DGKB: variants seen among roughly 807,000 people sequenced by gnomAD.
The protein encoded by DGKB is diacylglycerol kinase beta.
A neutral mutation model predicts 114.3 loss-of-function variants in DGKB; 67 were observed. The ratio of observed to expected loss-of-function variants is 0.59; its 90% CI spans 0.48 to 0.72. The LOEUF (loss-of-function observed/expected upper bound fraction) is 0.72. Ranked by LOEUF, DGKB falls within the 30% of genes least tolerant of loss-of-function variation. DGKB has a pLI of 0.00. For synonymous variants in DGKB, 398 were observed against 323.1 expected, an observed-to-expected ratio of 1.23 and a Z score of -2.49; for missense variants, 907 against 975.2, an observed-to-expected ratio of 0.93 and a Z score of 0.93.
At chr7:14,538,309 T>C (rs1277721265) in intron 20 of DGKB, among the ~76,000 whole-genome samples, 1 of 151,900 alleles carries the variant, frequency 6.6e-6, no homozygotes, top group Non-Finnish European at 1.5e-5. Flanking sequence ...ATAACCCAGT[T>C]ACAAAATGGG....
chr7:14,147,377 T>G lies in DGKB; in HGVS notation c.*1754A>C, dbSNP rs1020425061. 1 of 152,184 alleles carries G rather than the reference T, an allele frequency of 6.6e-6. No homozygotes were observed. Among genetic ancestry groups the G allele is most frequent in the South Asian group, 2.1e-4 (1 of 4,832 alleles). The allele number at this position is 152,184 out of a possible 1,614,324, so 9.4% of individuals were successfully genotyped here. A position where few individuals can be genotyped will look rare whatever the true frequency, so the allele number is the denominator to read the frequency against. On this transcript the variant is annotated 3_prime_UTR_variant, in exon 26 of 26. Transcript: ENST00000402815. ...GCTTATTGTTGATTGATATTTACCG[T>G]CCAATGTTCCAGGAACACTAAAAGA...
At chr7:14,310,790 A>T (rs182083297) in intron 23 of DGKB, among the ~76,000 whole-genome samples, 286 of 152,308 alleles carry the variant, frequency 1.9e-3, no homozygotes, top group Non-Finnish European at 3.5e-3. Context: ...ACTATGTACT[A>T]GGTAAGAGGA....
In DGKB at chr7:14,699,725, G is replaced by C. The variant is rs1254319826; in HGVS notation, c.517-1556C>G. ...ACAGCGAAGGAAAAATATTGGAGTA[G>C]TAGCTATTGTGGAGAAAACCCTAGA... On this transcript the variant is annotated intron_variant, in intron 7 of 25. Coordinates refer to ENST00000402815, the MANE Select transcript of DGKB (RefSeq NM_001350709.2). Among the ~76,000 whole-genome samples, 3 of 152,114 alleles carry C rather than the reference G, an allele frequency of 2.0e-5. No individual in the cohort carries two copies. In the East Asian group the frequency reaches 5.8e-4, roughly 29 times the overall value.
chr7:14,887,722 C>T (rs969998450), intron 1 of DGKB, among the ~76,000 whole-genome samples: 28 of 151,772 alleles, frequency 1.8e-4, no homozygotes, highest in African/African-American at 6.8e-4. Flanking sequence ...CTTGCCCTGA[C>T]TTATTTTCTT....
At chr7:14,674,319 G>C (rs1380585464) in intron 12 of DGKB, among the ~76,000 whole-genome samples, 5 of 152,154 alleles carry the variant, frequency 3.3e-5, no homozygotes, top group Non-Finnish European at 5.9e-5. Context: ...GAGGCAAGAA[G>C]TGTTGAAGAT....
chr7:14,181,536 T>C (rs566594661), intron 23 of DGKB, among the ~76,000 whole-genome samples: 99 of 152,272 alleles, frequency 6.5e-4, no homozygotes, highest in Non-Finnish European at 1.2e-3. Flanking sequence ...CAAAAGAAAG[T>C]AGAACAGTTT....
intron 23 of DGKB, among the ~76,000 whole-genome samples, chr7:14,236,929 T>C (rs1237477937): frequency 6.6e-6 from 1 of 151,938 alleles, no homozygotes; most frequent in Non-Finnish European, 1.5e-5. Context: ...TCCTAAGTTG[T>C]AATGTGATGT....
At chr7:14,825,016 G>GTATATATATATATA (rs67135250) in intron 2 of DGKB, among the ~76,000 whole-genome samples, 5 of 92,376 alleles carry the variant, frequency 5.4e-5, no homozygotes, top group Non-Finnish European at 9.4e-5. Flanking sequence ...GTATGTGTAT[G>GTATATATATATATA]TATATATATA....
intron 21 of DGKB, among the ~76,000 whole-genome samples, chr7:14,382,252 G>C (rs1029068206): frequency 2.6e-5 from 4 of 151,916 alleles, no homozygotes; most frequent in African/African-American, 7.3e-5. Context: ...GTAATCAGTA[G>C]AGCCCAGCCC....
At chr7:14,220,603 G>C (rs1271297216) in intron 23 of DGKB, among the ~76,000 whole-genome samples, 2 of 151,412 alleles carry the variant, frequency 1.3e-5, no homozygotes, top group African/African-American at 4.8e-5. Context: ...ATTTTGGCCT[G>C]AATCTCTTGC....
At chr7:14,495,532 A>G (rs1187132403) in intron 20 of DGKB, among the ~76,000 whole-genome samples, 2 of 151,518 alleles carry the variant, frequency 1.3e-5, no homozygotes. Context: ...TTCAGCATTT[A>G]AAATCTACAC....
chr7:14,684,669 A>C lies in DGKB; in HGVS notation c.829+576T>G, dbSNP rs375976749. Among the ~76,000 whole-genome samples, 4 of 152,192 alleles carry C rather than the reference A, an allele frequency of 2.6e-5. No homozygotes were observed. In the East Asian group the frequency reaches 7.7e-4, roughly 29 times the overall value. The stretch of plus-strand genomic sequence containing the variant: ...GAAATTTTTAAAATGGCCACGACTC[A>C]TTAATCATCAATGCTCTGCATTCCA... On this transcript the variant is annotated intron_variant, in intron 10 of 25. Coordinates refer to ENST00000402815, the MANE Select transcript of DGKB (RefSeq NM_001350709.2).
intron 23 of DGKB, among the ~76,000 whole-genome samples, chr7:14,221,872 G>A (rs1238161699): frequency 1.3e-5 from 2 of 151,186 alleles, no homozygotes; most frequent in Non-Finnish European, 3.0e-5. Context: ...ATTTCTTCTT[G>A]AGTCAGTTTC....
chr7:14,486,354 T>A (rs1178106049), intron 20 of DGKB, among the ~76,000 whole-genome samples: 2 of 152,198 alleles, frequency 1.3e-5, no homozygotes, highest in Non-Finnish European at 2.9e-5. Context: ...TACCAAAAAG[T>A]CTGTGGGAAA....
intron 13 of DGKB, among the ~76,000 whole-genome samples, chr7:14,633,498 TTATTCCTG>T (rs1204028458): frequency 6.6e-6 from 1 of 151,876 alleles, no homozygotes; most frequent in Non-Finnish European, 1.5e-5. Context: ...CATCAGTAGT[TTATTCCTG>T]TTACAATGAG....
At chr7:14,917,512 T>C (rs1784301951) in intron 1 of DGKB, among the ~76,000 whole-genome samples, 1 of 151,880 alleles carries the variant, frequency 6.6e-6, no homozygotes, top group Non-Finnish European at 1.5e-5. Flanking sequence ...TCTCACAAAT[T>C]TTATAATTTA....
intron 20 of DGKB, among the ~76,000 whole-genome samples, chr7:14,525,758 T>A (rs1042005244): frequency 6.6e-6 from 1 of 152,060 alleles, no homozygotes; most frequent in Admixed American, 6.6e-5. Flanking sequence ...AATAGAAAAA[T>A]TTTGTTTTGG....
At chr7:14,167,616 C>A (rs968603439) in intron 25 of DGKB, among the ~76,000 whole-genome samples, 1 of 152,206 alleles carries the variant, frequency 6.6e-6, no homozygotes, top group South Asian at 2.1e-4. Context: ...CCTTAACAAA[C>A]ATACTGATGA....
At chr7:14,551,898 A>T (rs1296538502) in intron 20 of DGKB, among the ~76,000 whole-genome samples, 3 of 151,912 alleles carry the variant, frequency 2.0e-5, no homozygotes, top group African/African-American at 4.8e-5. Context: ...TGAGTCTTAA[A>T]TTTTTTTTCT....
Sources: gnomAD v4.1 joint callset for allele counts (sites outside exome capture counted in the v4.1 genomes callset) on GRCh38, gnomAD v4.1.1 for gene constraint, MANE v1.5 for transcripts, NCBI Gene and HGNC (gene_info 2026-07-23, HGNC 2026-07-21) for gene names.